Variants in RPAP2 observed in about 807,000 individuals in gnomAD.
RPAP2 encodes the protein RNA polymerase II associated protein 2, also known as putative RNA polymerase II subunit B1 CTD phosphatase RPAP2.
A neutral mutation model predicts 73.1 loss-of-function variants in RPAP2; 52 were observed. The observed-to-expected ratio is 0.71, with a 90% CI of 0.57 to 0.90. The LOEUF is 0.90. Ranked by LOEUF, RPAP2 falls within the 40% of genes least tolerant of loss-of-function variation. The pLI is 0.00. For missense variants in RPAP2, 598 were observed against 701.8 expected (o/e 0.85, Z 1.67); for synonymous variants, 225 against 242.1 (o/e 0.93, Z 0.65).
chr1:92,344,210 G>GATC (rs1653755315), intron 10 of RPAP2, among the ~76,000 whole-genome samples: 1 of 152,186 alleles, frequency 6.6e-6, no homozygotes, highest in Admixed American at 6.5e-5. Flanking sequence ...AGGAGTTAGA[G>GATC]ATCAGCCTGG....
At chr1:92,385,745 A>G (rs1175935290) in intron 12 of RPAP2, among the ~76,000 whole-genome samples, 2 of 152,114 alleles carry the variant, frequency 1.3e-5, no homozygotes, top group Non-Finnish European at 2.9e-5. Context: ...ATTTCTCCAA[A>G]CAAACAAACA....
chr1:92,299,745 T>C (rs1650666982), intron 1 of RPAP2, among the ~76,000 whole-genome samples: 1 of 152,234 alleles, frequency 6.6e-6, no homozygotes, highest in Non-Finnish European at 1.5e-5. Context: ...CTATTTCATT[T>C]TGATTTACAC....
chr1:92,339,150 C>G (rs1388591727), intron 10 of RPAP2, among the ~76,000 whole-genome samples: 2 of 151,942 alleles, frequency 1.3e-5, no homozygotes, highest in African/African-American at 4.8e-5. Flanking sequence ...TTTGATGTCT[C>G]TTTTTTAAAA....
chr1:92,338,540 C>G lies in RPAP2; in HGVS notation c.1619+2113C>G, dbSNP rs550592773. 2.6e-5 allele frequency among the ~76,000 whole-genome samples: 4 copies of G among 152,090 alleles called. No individual in the cohort carries two copies. The South Asian group carries it at 6.2e-4, about 24-fold the overall frequency. On this transcript the variant is annotated intron_variant, in intron 10 of 12. Coordinates refer to ENST00000610020, the MANE Select transcript of RPAP2 (RefSeq NM_024813.3). ...AATAGATATACATAGTATGGAAACA[C>G]TGAAGTTTAGGATTTGTTCAGGATT...
At chr1:92,310,846 G>A (rs529946256) in intron 6 of RPAP2, among the ~76,000 whole-genome samples, 1 of 151,730 alleles carries the variant, frequency 6.6e-6, no homozygotes, top group Admixed American at 6.6e-5. Flanking sequence ...GCAGTGAGCC[G>A]AGATCACACC....
At chr1:92,333,520 C>T (rs373903608) in intron 9 of RPAP2, 47 bp downstream of exon 9, 4 of 1,310,896 alleles carry the variant, frequency 3.1e-6, no homozygotes, top group Non-Finnish European at 4.4e-6. Flanking sequence ...TTTAAATTAA[C>T]TTGACATTTA....
chr1:92,366,870 CTTCAT>C (rs1367550148), intron 11 of RPAP2, among the ~76,000 whole-genome samples: 1 of 152,014 alleles, frequency 6.6e-6, no homozygotes, highest in African/African-American at 2.4e-5. Context: ...GGTCACAGCT[CTTCAT>C]TTCAGTTTTG....
At chr1:92,327,376 T>C (rs1652697848) in intron 8 of RPAP2, among the ~76,000 whole-genome samples, 1 of 152,248 alleles carries the variant, frequency 6.6e-6, no homozygotes, top group South Asian at 2.1e-4. Context: ...ATTGTCATAT[T>C]TTCCTATTGG....
At position 92,322,571 on chromosome 1, in the gene RPAP2, A is replaced by C. The variant is rs1652342425; in HGVS notation, c.525-874A>C. Among the ~76,000 whole-genome samples, 5 of 150,362 alleles carry C rather than the reference A, an allele frequency of 3.3e-5. No homozygotes were observed. In the South Asian group the frequency reaches 1.0e-3, roughly 32 times the overall value. ...ATGAATAAAAATAAAATAAAATACA[A>C]AAAATAAAAAATAAAAAGCTCAGCC... is the stretch of plus-strand genomic sequence containing the variant. On this transcript the variant is annotated intron_variant, in intron 7 of 12. Transcript: ENST00000610020.
At chr1:92,302,252 G>A (rs1650902906) in intron 3 of RPAP2, among the ~76,000 whole-genome samples, 1 of 151,484 alleles carries the variant, frequency 6.6e-6, no homozygotes, top group Non-Finnish European at 1.5e-5. Flanking sequence ...ACTCCAGTCT[G>A]GGCAACAAGA....
At position 92,384,100 on chromosome 1, in the gene RPAP2, G is replaced by A. The variant is rs540065311; in HGVS notation, c.*-2911G>A. Among the ~76,000 whole-genome samples the A allele has an allele frequency of 2.5e-4, 38 of 151,580 alleles. 1 individual carries two copies. In the East Asian group the frequency reaches 7.3e-3, roughly 29 times the overall value. ...CAGCCTCCCTGTAGCTGGGACTACA[G>A]GCGTGCACCACCACGCCCAGCTAAT... On this transcript the variant is annotated intron_variant, in intron 12 of 12. Transcript: ENST00000610020.
chr1:92,316,213 T>C (rs1163224807), intron 6 of RPAP2, among the ~76,000 whole-genome samples: 2 of 152,050 alleles, frequency 1.3e-5, no homozygotes, highest in Non-Finnish European at 2.9e-5. Context: ...TGGTCCAGAG[T>C]AGGGGATTTC....
Position 92,364,937 on chromosome 1 carries a change from A to G in RPAP2, c.1689-15787A>G, listed in dbSNP as rs146214854. ...ACCAGATAATTTTGCATGAAATTCA[A>G]GGCCCTTCAGAAGTGGCCCCAACTT... On this transcript the variant is annotated intron_variant, in intron 11 of 12. Coordinates refer to ENST00000610020, the MANE Select transcript of RPAP2 (RefSeq NM_024813.3). Among the ~76,000 whole-genome samples, 384 of 152,336 alleles carry G rather than the reference A, an allele frequency of 2.5e-3. 3 individuals carry two copies. The highest frequency in any genetic ancestry group is 9.3e-3 in the South Asian group (45 of 4,824).
chr1:92,335,348 G>A (rs1382376873), intron 9 of RPAP2, among the ~76,000 whole-genome samples: 2 of 152,090 alleles, frequency 1.3e-5, no homozygotes, highest in Non-Finnish European at 2.9e-5. Flanking sequence ...TTTGGAACAT[G>A]TGTGAAACTT....
Position 92,401,829 on chromosome 1 carries a change from G to C in RPAP2, c.*14818G>C, listed in dbSNP as rs1268387479. On this transcript the variant is annotated 3_prime_UTR_variant, in exon 13 of 13. Transcript: ENST00000610020. ...TTTCCTCCTTATTTCTGCTAAGGTT[G>C]TATAATTATGCTCATTGGTATTTTA... is the stretch of plus-strand genomic sequence containing the variant. The C allele has an allele frequency of 3.3e-5, 5 of 152,188 alleles. No individual in the cohort carries two copies. The highest frequency in any genetic ancestry group is 5.9e-5 in the Non-Finnish European group (4 of 68,040). The allele number at this position is 152,188 out of a possible 1,614,324, so 9.4% of individuals were successfully genotyped here.
At chr1:92,349,234 A>C (rs1654074890) in intron 11 of RPAP2, among the ~76,000 whole-genome samples, 1 of 152,234 alleles carries the variant, frequency 6.6e-6, no homozygotes, top group African/African-American at 2.4e-5. Context: ...TAGGCAAAAG[A>C]TTCTAAATGG....
At chr1:92,360,280 T>C (rs1654671147) in intron 11 of RPAP2, among the ~76,000 whole-genome samples, 1 of 152,196 alleles carries the variant, frequency 6.6e-6, no homozygotes, top group Non-Finnish European at 1.5e-5. Context: ...AGGACTGTGG[T>C]CCTGGCAATT....
intron 11 of RPAP2, among the ~76,000 whole-genome samples, chr1:92,356,754 C>T (rs1435651857): frequency 6.6e-6 from 1 of 150,630 alleles, no homozygotes; most frequent in Non-Finnish European, 1.5e-5. Flanking sequence ...TTTTTATTCT[C>T]TACTTTTTTT....
chr1:92,301,740 TAAAC>T (rs1650872499), intron 3 of RPAP2, 150 bp downstream of exon 3: 2 of 405,198 alleles, frequency 4.9e-6, no homozygotes, highest in East Asian at 3.8e-5. Context: ...CATTTAAAAA[TAAAC>T]AACTATCATG....
Sources: gnomAD v4.1 joint callset for allele counts (sites outside exome capture counted in the v4.1 genomes callset) on GRCh38, gnomAD v4.1.1 for gene constraint, MANE v1.5 for transcripts, NCBI Gene and HGNC (gene_info 2026-07-23, HGNC 2026-07-21) for gene names.